The following SUCLG2 variants were observed in gnomAD, a reference collection of about 807,000 sequenced individuals.
SUCLG2 encodes the protein succinate--CoA ligase [GDP-forming] subunit beta, mitochondrial.
Under a neutral mutation model 47.9 loss-of-function variants are expected in SUCLG2, and 42 were observed. That is an observed-to-expected ratio of 0.88 (90% CI 0.69 to 1.14). The LOEUF is 1.14. SUCLG2 is among the 50% of genes most tolerant of loss of function. SUCLG2 has a pLI of 0.00. For synonymous variants in SUCLG2, 195 were observed against 197.3 expected, an observed-to-expected ratio of 0.99 and a Z score of 0.10; for missense variants, 571 against 525.9, an observed-to-expected ratio of 1.09 and a Z score of -0.84.
At chr3:67,488,756 A>G (rs1424988414) in intron 9 of SUCLG2, among the ~76,000 whole-genome samples, 1 of 152,218 alleles carries the variant, frequency 6.6e-6, no homozygotes, top group Non-Finnish European at 1.5e-5. Context: ...TAAGGAAAAC[A>G]ACAACCCTAA....
At chr3:67,639,190 T>C (rs529277114) in intron 1 of SUCLG2, among the ~76,000 whole-genome samples, 53 of 152,196 alleles carry the variant, frequency 3.5e-4, no homozygotes, top group Non-Finnish European at 7.5e-4. Flanking sequence ...AAAATGTATA[T>C]GTATCAGTAA....
chr3:67,493,438 A>G (rs1705253450), intron 9 of SUCLG2, among the ~76,000 whole-genome samples: 1 of 152,218 alleles, frequency 6.6e-6, no homozygotes, highest in Admixed American at 6.5e-5. Flanking sequence ...CAAGCATTTG[A>G]AAATGTTCCA....
chr3:67,542,131 C>G (rs1385734643), intron 2 of SUCLG2, among the ~76,000 whole-genome samples: 2 of 152,164 alleles, frequency 1.3e-5, no homozygotes, highest in Admixed American at 6.5e-5. Context: ...ACCTCAGCCT[C>G]CCAAAGTGCT....
At chr3:67,399,401 A>G (rs1702632646) in intron 10 of SUCLG2, among the ~76,000 whole-genome samples, 2 of 152,200 alleles carry the variant, frequency 1.3e-5, no homozygotes, top group African/African-American at 4.8e-5. Context: ...CTGACACACT[A>G]TAGTTGCTCA....
chr3:67,543,437 C>T (rs1328457139), intron 2 of SUCLG2, among the ~76,000 whole-genome samples: 4 of 152,116 alleles, frequency 2.6e-5, no homozygotes, highest in Non-Finnish European at 5.9e-5. Flanking sequence ...GAGGCTGAGA[C>T]AGGTGGGTTG....
chr3:67,538,106 T>G (rs1706596787), intron 2 of SUCLG2, among the ~76,000 whole-genome samples: 1 of 152,226 alleles, frequency 6.6e-6, no homozygotes, highest in Non-Finnish European at 1.5e-5. Context: ...TGGCTTTTGT[T>G]GCTATTGCTT....
intron 9 of SUCLG2, among the ~76,000 whole-genome samples, chr3:67,446,578 T>A (rs1456492727): frequency 6.6e-6 from 1 of 150,964 alleles, no homozygotes; most frequent in Non-Finnish European, 1.5e-5. Flanking sequence ...TACAGGCGCC[T>A]GCCACCACGC....
chr3:67,492,720 CTT>C (rs990021766), intron 9 of SUCLG2, among the ~76,000 whole-genome samples: 7 of 152,082 alleles, frequency 4.6e-5, no homozygotes, highest in East Asian at 1.9e-4. Context: ...GAAAAAGACT[CTT>C]GTTTTATTCA....
intron 2 of SUCLG2, among the ~76,000 whole-genome samples, chr3:67,565,847 C>A (rs577482746): frequency 6.6e-6 from 1 of 152,200 alleles, no homozygotes; most frequent in African/African-American, 2.4e-5. Flanking sequence ...GAACACTACA[C>A]GGCAGCTGTC....
chr3:67,539,431 C>A (rs1174102137), intron 2 of SUCLG2, among the ~76,000 whole-genome samples: 1 of 152,124 alleles, frequency 6.6e-6, no homozygotes, highest in Non-Finnish European at 1.5e-5. Context: ...GGTGGATAAG[C>A]TTTTTGTTGT....
In SUCLG2 at chr3:67,543,260, C is replaced by T. The variant is rs538759241; in HGVS notation, c.227-14074G>A. Reference sequence around the variant, plus strand: ...TTTTAAGTGTAAATGTCAGAAAATGCCCATGCACAAACTAAGCTTTAAGCT... The same window carrying T: ...TTTTAAGTGTAAATGTCAGAAAATGTCCATGCACAAACTAAGCTTTAAGCT... On this transcript the variant is annotated intron_variant, in intron 2 of 10. Transcript: ENST00000307227. 5.8e-4 allele frequency among the ~76,000 whole-genome samples: 88 copies of T among 152,256 alleles called. 2 individuals carry two copies. In the South Asian group the frequency reaches 0.01, roughly 18 times the overall value.
At chr3:67,535,390 G>C (rs1189117365) in intron 2 of SUCLG2, among the ~76,000 whole-genome samples, 1 of 151,994 alleles carries the variant, frequency 6.6e-6, no homozygotes, top group Non-Finnish European at 1.5e-5. Flanking sequence ...AGATGGAGAA[G>C]TGGATGGCAA....
At chr3:67,489,730 T>C (rs1308956373) in intron 9 of SUCLG2, among the ~76,000 whole-genome samples, 1 of 152,186 alleles carries the variant, frequency 6.6e-6, no homozygotes, top group Non-Finnish European at 1.5e-5. Flanking sequence ...TGTAATGAAA[T>C]GGGTTTTGCT....
At chr3:67,626,439 G>C (rs76527974) in intron 1 of SUCLG2, among the ~76,000 whole-genome samples, 8,443 of 152,074 alleles carry the variant, frequency 0.056, 324 homozygotes, top group African/African-American at 0.1. Flanking sequence ...AGATGAAATA[G>C]TGCCTCAGGG....
intron 9 of SUCLG2, among the ~76,000 whole-genome samples, chr3:67,484,057 CTG>C (rs1704986498): frequency 6.6e-6 from 1 of 152,224 alleles, no homozygotes; most frequent in Non-Finnish European, 1.5e-5. Flanking sequence ...TTGCCTCCCT[CTG>C]TGTGTGCTCT....
chr3:67,403,477 G>A (rs973211514), intron 9 of SUCLG2, among the ~76,000 whole-genome samples: 8 of 152,128 alleles, frequency 5.3e-5, no homozygotes, highest in Non-Finnish European at 4.4e-5. Context: ...CTTGTACCAG[G>A]TACAGAATTA....
At chr3:67,594,467 T>G (rs1708248335) in intron 2 of SUCLG2, among the ~76,000 whole-genome samples, 2 of 152,300 alleles carry the variant, frequency 1.3e-5, no homozygotes, top group African/African-American at 4.8e-5. Flanking sequence ...AACACTTTCA[T>G]CCCAGTTCTC....
intron 2 of SUCLG2, among the ~76,000 whole-genome samples, chr3:67,545,813 T>A (rs529141004): frequency 6.6e-6 from 1 of 152,194 alleles, no homozygotes; most frequent in African/African-American, 2.4e-5. Flanking sequence ...TTAATTTGCA[T>A]GTTTGACTAT....
intron 2 of SUCLG2, among the ~76,000 whole-genome samples, chr3:67,546,764 G>A (rs562145642): frequency 2.0e-5 from 3 of 151,698 alleles, no homozygotes; most frequent in Non-Finnish European, 4.4e-5. Flanking sequence ...AGCTGAGCAT[G>A]GTGGCAGGTG....
Sources: gnomAD v4.1 joint callset for allele counts (sites outside exome capture counted in the v4.1 genomes callset) on GRCh38, gnomAD v4.1.1 for gene constraint, MANE v1.5 for transcripts, NCBI Gene and HGNC (gene_info 2026-07-23, HGNC 2026-07-21) for gene names.